LRBA: variants seen among roughly 807,000 people sequenced by gnomAD.
The protein encoded by LRBA is lipopolysaccharide-responsive and beige-like anchor protein.
LRBA carries 176 observed loss-of-function variants against 330.0 expected under a neutral mutation model. The observed-to-expected ratio is 0.53, with a 90% confidence interval of 0.47 to 0.60. The LOEUF is 0.60. Ranked by LOEUF, LRBA falls within the 20% of genes least tolerant of loss-of-function variation. The pLI is 0.00. For missense variants in LRBA, 3,259 were observed against 3,444.8 expected (o/e 0.95, Z 1.35); for synonymous variants, 1,230 against 1,193.0 (o/e 1.03, Z -0.64).
At chr4:150,531,123 C>T (rs1764017310) in intron 40 of LRBA, among the ~76,000 whole-genome samples, 1 of 152,170 alleles carries the variant, frequency 6.6e-6, no homozygotes, top group Non-Finnish European at 1.5e-5. Flanking sequence ...ATGGAAGGTA[C>T]ATAAGATCAA....
chr4:150,751,722 G>C (rs2126393161), intron 35 of LRBA, among the ~76,000 whole-genome samples: 1 of 152,092 alleles, frequency 6.6e-6, no homozygotes, highest in Non-Finnish European at 1.5e-5. Flanking sequence ...GTGCAAGAAG[G>C]AAGAAAAAAT....
At chr4:150,924,972 C>T (rs1041236650) in intron 4 of LRBA, among the ~76,000 whole-genome samples, 2 of 151,972 alleles carry the variant, frequency 1.3e-5, no homozygotes, top group Admixed American at 1.3e-4. Flanking sequence ...GAGTTTGACA[C>T]CAGCTTGGAC....
At chr4:150,992,974 A>G (rs181915344) in intron 2 of LRBA, among the ~76,000 whole-genome samples, 230 of 152,282 alleles carry the variant, frequency 1.5e-3, no homozygotes, top group African/African-American at 3.0e-3. Flanking sequence ...GATATAGCAG[A>G]ATAGTTATTT....
At position 150,566,074 on chromosome 4, in the gene LRBA, A is replaced by AAG. The variant is rs553278723; in HGVS notation, c.6330+21973_6330+21974insCT. 4.8e-4 allele frequency among the ~76,000 whole-genome samples: 73 copies of AAG among 151,746 alleles called. No individual in the cohort carries two copies. In the East Asian group the frequency reaches 0.012, roughly 26 times the overall value. On this transcript the variant is annotated intron_variant, in intron 40 of 56. Coordinates refer to ENST00000651943, the MANE Select transcript of LRBA (RefSeq NM_001364905.1). ...AAGATCCTGTCTCTACAAAAAAAAA[A>AAG]AAAATGTAGTCAGGCATGGTGGTAC...
At chr4:150,420,376 T>A (rs1748517937) in intron 46 of LRBA, among the ~76,000 whole-genome samples, 1 of 133,316 alleles carries the variant, frequency 7.5e-6, no homozygotes, top group Non-Finnish European at 1.6e-5. Context: ...GTATATATAA[T>A]ACACATTATA....
intron 42 of LRBA, among the ~76,000 whole-genome samples, chr4:150,475,030 T>G (rs1012386137): frequency 2.0e-5 from 3 of 152,210 alleles, no homozygotes; most frequent in Non-Finnish European, 4.4e-5. Flanking sequence ...TGCTTTTTTC[T>G]GAAATGATAG....
chr4:150,943,328 C>A (rs1735880278), intron 2 of LRBA, among the ~76,000 whole-genome samples: 1 of 152,136 alleles, frequency 6.6e-6, no homozygotes, highest in South Asian at 2.1e-4. Flanking sequence ...ACTATGTTGG[C>A]CAGGCTGGAC....
At chr4:150,818,532 C>CTGTGTG (rs74479974) in intron 30 of LRBA, among the ~76,000 whole-genome samples, 29,698 of 145,632 alleles carry the variant, frequency 0.2, 3,304 homozygotes, top group Non-Finnish European at 0.26. Context: ...TGACGAATGT[C>CTGTGTG]TGTGTGTGTG....
At chr4:150,899,073 C>T (rs1730437133) in intron 14 of LRBA, among the ~76,000 whole-genome samples, 1 of 152,108 alleles carries the variant, frequency 6.6e-6, no homozygotes, top group Admixed American at 6.5e-5. Flanking sequence ...TAATTTTTAC[C>T]AAGTGACTGA....
At chr4:150,867,887 A>C (rs748037033) in intron 21 of LRBA, 24 bp from the exon 22 acceptor site, 5 of 1,553,304 alleles carry the variant, frequency 3.2e-6, no homozygotes, top group Non-Finnish European at 4.4e-6. Context: ...GAGGGTACTA[A>C]ATTACTGAAG....
chr4:150,610,543 T>C (rs1356707102), intron 37 of LRBA, among the ~76,000 whole-genome samples: 1 of 151,928 alleles, frequency 6.6e-6, no homozygotes, highest in Admixed American at 6.6e-5. Context: ...GAGCTGAGAT[T>C]ACACCACTGC....
intron 36 of LRBA, among the ~76,000 whole-genome samples, chr4:150,731,436 A>C (rs1239427216): frequency 6.6e-6 from 1 of 152,244 alleles, no homozygotes; most frequent in African/African-American, 2.4e-5. Context: ...TGGTACTTAC[A>C]CACAATGGAG....
chr4:150,319,336 C>T (rs1415959204), intron 50 of LRBA, among the ~76,000 whole-genome samples: 1 of 152,094 alleles, frequency 6.6e-6, no homozygotes, highest in Admixed American at 6.5e-5. Flanking sequence ...AACAGCCACC[C>T]AGGATAAGCA....
chr4:150,559,347 G>A lies in LRBA; in HGVS notation c.6330+28701C>T, dbSNP rs145239577. On this transcript the variant is annotated intron_variant, in intron 40 of 56. Transcript: ENST00000651943. ...GGAGGCCAAGGCGGGTGGATCATGA[G>A]GTCAAGAGATTGAGACCATCCTGGC... Among the ~76,000 whole-genome samples, 42 of 151,256 alleles carry A rather than the reference G, an allele frequency of 2.8e-4. No homozygotes were observed. The East Asian group carries it at 7.8e-3, about 28-fold the overall frequency.
rs923500376 is a variant in LRBA at position 150,961,843 on chromosome 4, T to C, written c.217-32778A>G. On this transcript the variant is annotated intron_variant, in intron 2 of 56. Transcript: ENST00000651943. ...ACAGGAAATTATCACACCATAATAA[T>C]AGCAATTTTTAGAGCACTTACTTGT... Among the ~76,000 whole-genome samples, 14 of 149,642 alleles carry C rather than the reference T, an allele frequency of 9.4e-5. 1 individual carries two copies. The highest frequency in any genetic ancestry group is 1.5e-4 in the Non-Finnish European group (10 of 68,038).
chr4:150,799,168 C>A (rs1330775163), intron 33 of LRBA, among the ~76,000 whole-genome samples: 1 of 152,070 alleles, frequency 6.6e-6, no homozygotes, highest in East Asian at 1.9e-4. Flanking sequence ...GGCTGTTCAC[C>A]CCCTTCGTTT....
chr4:150,287,988 C>CA (rs1403764048), intron 53 of LRBA, among the ~76,000 whole-genome samples: 1 of 147,178 alleles, frequency 6.8e-6, no homozygotes. Flanking sequence ...TTAGGATCCA[C>CA]AAATTTTTTT....
At chr4:150,656,149 T>C (rs1238478478) in intron 37 of LRBA, among the ~76,000 whole-genome samples, 1 of 152,222 alleles carries the variant, frequency 6.6e-6, no homozygotes, top group Non-Finnish European at 1.5e-5. Flanking sequence ...GTAGCTGCCA[T>C]TGCTGCTAAA....
intron 40 of LRBA, among the ~76,000 whole-genome samples, chr4:150,540,943 G>C (rs1407910018): frequency 1.3e-5 from 2 of 152,150 alleles, no homozygotes; most frequent in East Asian, 3.9e-4. Flanking sequence ...TGCTAATATA[G>C]AGCAGCGGAA....
Sources: gnomAD v4.1 joint callset for allele counts (sites outside exome capture counted in the v4.1 genomes callset) on GRCh38, gnomAD v4.1.1 for gene constraint, MANE v1.5 for transcripts, NCBI Gene and HGNC (gene_info 2026-07-23, HGNC 2026-07-21) for gene names.